LHFPL6: variants seen among roughly 807,000 people sequenced by gnomAD.
The protein encoded by LHFPL6 is LHFPL tetraspan subfamily member 6 protein.
LHFPL6 carries 9 observed loss-of-function variants against 20.6 expected under a neutral mutation model. That is an observed-to-expected ratio of 0.44 (90% CI 0.26 to 0.76). LHFPL6 has a LOEUF of 0.76. Among genes scored for constraint, LHFPL6 ranks in the 30% least tolerant of loss-of-function variants. LHFPL6 has a pLI of 0.20. For synonymous variants in LHFPL6, 105 were observed against 98.7 expected, an observed-to-expected ratio of 1.06 and a Z score of -0.38; for missense variants, 218 against 253.5, an observed-to-expected ratio of 0.86 and a Z score of 0.95.
Position 39,378,477 on chromosome 13 carries a change from A to G in LHFPL6, c.435T>C (p.Ser145=). The change falls in exon 3 of 4, where the codon AGT becomes AGC. Residue 145 remains serine (S), a synonymous_variant. Coordinates refer to ENST00000379589, the MANE Select transcript of LHFPL6 (RefSeq NM_005780.3). Reference sequence around the variant, plus strand: ...AGCCACAAGTCTGCCGGACTTCCTCACTGTCCCAGCCCAAGGGGTAGAGGG... The same window carrying G: ...AGCCACAAGTCTGCCGGACTTCCTCGCTGTCCCAGCCCAAGGGGTAGAGGG... ...GCALYPLGWD[S]EEVRQTCGYT... is the part of the protein sequence containing the mutation. The G allele has an allele frequency of 6.2e-7, 1 of 1,614,012 alleles. No individual in the cohort carries two copies. Among genetic ancestry groups the G allele is most frequent in the Non-Finnish European group, 8.5e-7 (1 of 1,179,944 alleles).
Position 39,412,280 on chromosome 13 carries a change from C to G in LHFPL6, c.386-33754G>C, listed in dbSNP as rs150057793. On this transcript the variant is annotated intron_variant, in intron 2 of 3. Transcript: ENST00000379589. ...TATTCAACTATAAATGATCAGTGCA[C>G]TTTATTTGAAGAACATTTGAGAAAA... Among the ~76,000 whole-genome samples the G allele has an allele frequency of 3.5e-4, 54 of 152,184 alleles. No individual in the cohort carries two copies. The East Asian group carries it at 5.4e-3, about 15-fold the overall frequency.
intron 2 of LHFPL6, among the ~76,000 whole-genome samples, chr13:39,420,495 A>C (rs1871453169): frequency 6.6e-6 from 1 of 152,220 alleles, no homozygotes; most frequent in Admixed American, 6.5e-5. Context: ...TTAATGTATC[A>C]AAATGACAAG....
At chr13:39,429,910 A>G (rs997169770) in intron 2 of LHFPL6, among the ~76,000 whole-genome samples, 2 of 152,142 alleles carry the variant, frequency 1.3e-5, no homozygotes, top group African/African-American at 4.8e-5. Flanking sequence ...CTTAAAGCAT[A>G]TTTCTTTCCC....
At chr13:39,564,747 GC>G (rs1217214146) in intron 2 of LHFPL6, among the ~76,000 whole-genome samples, 1 of 152,184 alleles carries the variant, frequency 6.6e-6, no homozygotes, top group Non-Finnish European at 1.5e-5. Context: ...TATTTAAGTA[GC>G]CTTTTATGTA....
intron 2 of LHFPL6, among the ~76,000 whole-genome samples, chr13:39,397,558 G>A (rs971140710): frequency 1.4e-4 from 21 of 152,182 alleles, no homozygotes; most frequent in African/African-American, 4.6e-4. Context: ...CATCCGTGAC[G>A]AAGGTAAAGT....
At chr13:39,499,205 G>C (rs1368964545) in intron 2 of LHFPL6, among the ~76,000 whole-genome samples, 1 of 152,150 alleles carries the variant, frequency 6.6e-6, no homozygotes, top group East Asian at 1.9e-4. Flanking sequence ...ACTATTAAGA[G>C]CACCAACCAA....
intron 2 of LHFPL6, among the ~76,000 whole-genome samples, chr13:39,593,063 A>G (rs1044771240): frequency 6.6e-6 from 1 of 152,248 alleles, no homozygotes; most frequent in African/African-American, 2.4e-5. Flanking sequence ...AACTGGCACA[A>G]GACAGGGATG....
chr13:39,535,139 C>T (rs1013073692), intron 2 of LHFPL6, among the ~76,000 whole-genome samples: 1 of 152,228 alleles, frequency 6.6e-6, no homozygotes, highest in African/African-American at 2.4e-5. Flanking sequence ...AAATTTCCTT[C>T]TTCTTATAAG....
chr13:39,530,192 G>A (rs1870419942), intron 2 of LHFPL6, among the ~76,000 whole-genome samples: 1 of 151,516 alleles, frequency 6.6e-6, no homozygotes, highest in Admixed American at 6.6e-5. Context: ...TTAAAAAAGA[G>A]GATCCCTTGA....
intron 2 of LHFPL6, among the ~76,000 whole-genome samples, chr13:39,518,620 GA>G: frequency 6.6e-6 from 1 of 152,148 alleles, no homozygotes; most frequent in East Asian, 1.9e-4. Context: ...AACCTATAAG[GA>G]AACTCAGGGT....
At chr13:39,552,100 C>A (rs901896624) in intron 2 of LHFPL6, among the ~76,000 whole-genome samples, 2 of 152,132 alleles carry the variant, frequency 1.3e-5, no homozygotes, top group African/African-American at 4.8e-5. Flanking sequence ...TCTAACAAAT[C>A]AGCACCCTCT....
intron 2 of LHFPL6, among the ~76,000 whole-genome samples, chr13:39,514,158 C>T (rs1367648011): frequency 2.0e-5 from 3 of 152,108 alleles, no homozygotes; most frequent in Non-Finnish European, 4.4e-5. Flanking sequence ...GGTTCACTCC[C>T]TTCATATGTA....
intron 2 of LHFPL6, among the ~76,000 whole-genome samples, chr13:39,437,746 CA>C (rs1453150895): frequency 2.0e-5 from 3 of 151,804 alleles, no homozygotes; most frequent in African/African-American, 7.3e-5. Flanking sequence ...ACTAAAAATA[CA>C]AAAAATTAGC....
At chr13:39,407,973 C>T (rs746949363) in intron 2 of LHFPL6, among the ~76,000 whole-genome samples, 43 of 152,308 alleles carry the variant, frequency 2.8e-4, no homozygotes, top group Admixed American at 1.2e-3. Flanking sequence ...CAGTGTTCAA[C>T]GCTTCCCTTT....
chr13:39,399,636 T>C (rs1870935483), intron 2 of LHFPL6, among the ~76,000 whole-genome samples: 1 of 152,180 alleles, frequency 6.6e-6, no homozygotes, highest in Non-Finnish European at 1.5e-5. Flanking sequence ...CCTATAAAGA[T>C]CACGCTGTGG....
intron 2 of LHFPL6, among the ~76,000 whole-genome samples, chr13:39,480,943 A>T (rs1868489216): frequency 6.6e-6 from 1 of 152,238 alleles, no homozygotes; most frequent in Admixed American, 6.5e-5. Flanking sequence ...TATTCATAAG[A>T]ACAAAACACA....
intron 2 of LHFPL6, among the ~76,000 whole-genome samples, chr13:39,563,805 T>C (rs1871622778): frequency 6.6e-6 from 1 of 152,154 alleles, no homozygotes; most frequent in Non-Finnish European, 1.5e-5. Flanking sequence ...GGTCATAAAG[T>C]GTACCAGCTA....
At chr13:39,406,050 G>A (rs1044371714) in intron 2 of LHFPL6, among the ~76,000 whole-genome samples, 5 of 152,140 alleles carry the variant, frequency 3.3e-5, no homozygotes, top group Non-Finnish European at 7.3e-5. Flanking sequence ...ACCAGAGTTC[G>A]GGATGAATGA....
At chr13:39,523,507 T>C (rs1052605648) in intron 2 of LHFPL6, among the ~76,000 whole-genome samples, 3 of 144,594 alleles carry the variant, frequency 2.1e-5, no homozygotes, top group Admixed American at 7.2e-5. Flanking sequence ...GGGCGGAGCC[T>C]GCAGTGAGCC....
Sources: gnomAD v4.1 joint callset for allele counts (sites outside exome capture counted in the v4.1 genomes callset) on GRCh38, gnomAD v4.1.1 for gene constraint, MANE v1.5 for transcripts, NCBI Gene and HGNC (gene_info 2026-07-23, HGNC 2026-07-21) for gene names.